The following DUSP22 variants were observed in gnomAD, a reference collection of about 807,000 sequenced individuals.
DUSP22 encodes the protein dual specificity protein phosphatase 22.
Under a neutral mutation model 24.5 loss-of-function variants are expected in DUSP22, and 24 were observed. The observed-to-expected ratio is 0.98, with a 90% CI of 0.71 to 1.38. DUSP22 has a LOEUF of 1.38. DUSP22 is among the 40% of genes most tolerant of loss of function. The pLI, the probability that DUSP22 is intolerant of heterozygous loss-of-function variation, is 0.00. For synonymous variants in DUSP22, 160 were observed against 106.4 expected (o/e 1.50, Z -3.10); for missense variants, 330 against 269.2 (o/e 1.23, Z -1.58).
At chr6:339,110 G>C (rs571549936) in intron 4 of DUSP22, among the ~76,000 whole-genome samples, 2 of 152,426 alleles carry the variant, frequency 1.3e-5, no homozygotes, top group South Asian at 4.1e-4. Context: ...CAGACCTACT[G>C]TGGTGTGTTT....
At chr6:344,480 G>A (rs1759763985) in intron 4 of DUSP22, among the ~76,000 whole-genome samples, 1 of 152,294 alleles carries the variant, frequency 6.6e-6, no homozygotes, top group African/African-American at 2.4e-5. Flanking sequence ...CTGTAGAGAT[G>A]AGTTTCGACA....
intron 4 of DUSP22, among the ~76,000 whole-genome samples, chr6:343,609 C>T (rs535783362): frequency 1.7e-5 from 1 of 57,390 alleles, no homozygotes; most frequent in African/African-American, 7.2e-5. Flanking sequence ...TGATTTGGTC[C>T]CCTAGGGATT....
In DUSP22 at chr6:349,605, G is replaced by A. The variant is rs903729261; in HGVS notation, c.*654G>A. 10 of 987,428 alleles carry A rather than the reference G, an allele frequency of 1.0e-5. No individual in the cohort carries two copies. The highest frequency in any genetic ancestry group is 1.7e-5 in the African/African-American group (1 of 57,302). 61.2% of individuals were successfully genotyped at this position (987,428 alleles called of 1,614,324 possible). A position where few individuals can be genotyped will look rare whatever the true frequency, so the allele number is the denominator to read the frequency against. ...AGGGGCCAGACTCCTCTAGAGGGAG[G>A]GTGGCTCTGGGGCCCTGGAAAACGT... On this transcript the variant is annotated 3_prime_UTR_variant, in exon 7 of 7. Transcript: ENST00000419235.
At chr6:315,411 T>C (rs1279096756) in intron 3 of DUSP22, among the ~76,000 whole-genome samples, 1 of 152,298 alleles carries the variant, frequency 6.6e-6, no homozygotes, top group Non-Finnish European at 1.5e-5. Flanking sequence ...TTGCCTGGGA[T>C]TCCCATGGCT....
rs1760162418 is a variant in DUSP22 at position 350,732 on chromosome 6, A to T, written c.*1781A>T. On this transcript the variant is annotated 3_prime_UTR_variant, in exon 7 of 7. Transcript: ENST00000419235. ...TAGGATATAGCTTGAATGCTTAAAT[A>T]TGTGCACCTTTACAAACCTCTCAGT... is the stretch of plus-strand genomic sequence containing the variant. The T allele has an allele frequency of 1.2e-6, 2 of 1,611,704 alleles. No homozygotes were observed. Among genetic ancestry groups the T allele is most frequent in the South Asian group, 2.2e-5 (2 of 90,520 alleles).
rs1358025952 is a variant in DUSP22, at chr6:339,158, TG to T, written c.188+3996del. 2.0e-5 allele frequency among the ~76,000 whole-genome samples: 3 copies of T among 152,426 alleles called. No homozygotes were observed. The East Asian group carries it at 5.8e-4, about 29-fold the overall frequency. ...TCATGATTAGAGGCGTCCTAGAGTT[TG>T]TATCAAATGCACACACTGCGTGTTC... On this transcript the variant is annotated intron_variant, in intron 4 of 6. Transcript: ENST00000419235.
chr6:305,069 C>T (rs1249643409), intron 2 of DUSP22, among the ~76,000 whole-genome samples: 2 of 152,302 alleles, frequency 1.3e-5, no homozygotes, highest in Admixed American at 1.3e-4. Flanking sequence ...TGTGCATAGG[C>T]CTCATTTTGC....
At chr6:311,742 A>G (rs1236493085) in intron 2 of DUSP22, 138 bp from the exon 3 acceptor site, 8 of 898,618 alleles carry the variant, frequency 8.9e-6, no homozygotes, top group Non-Finnish European at 1.3e-5. Flanking sequence ...TAAGTTTCCT[A>G]CATGTATGGT....
chr6:326,562 G>T (rs1482602941), intron 3 of DUSP22, among the ~76,000 whole-genome samples: 1 of 131,524 alleles, frequency 7.6e-6, no homozygotes, highest in African/African-American at 2.8e-5. Context: ...CTGGTGCCTG[G>T]AGAGTCATCT....
chr6:323,090 T>A (rs1758686427), intron 3 of DUSP22, among the ~76,000 whole-genome samples: 1 of 152,300 alleles, frequency 6.6e-6, no homozygotes, highest in South Asian at 2.1e-4. Flanking sequence ...AGTGCTCCAA[T>A]CTTATTTTAA....
At position 350,867 on chromosome 6, in the gene DUSP22, A is replaced by G. The variant is rs1472578476; in HGVS notation, c.*1916A>G. ...TTCTGGGCCTTTCTCAGAAGACTGT[A>G]ATGTACCTGAAGTTTCTGAAATATT... On this transcript the variant is annotated 3_prime_UTR_variant, in exon 7 of 7. Transcript: ENST00000419235. 1 of 1,614,254 alleles carries G rather than the reference A, an allele frequency of 6.2e-7. No individual in the cohort carries two copies. Among genetic ancestry groups the G allele is most frequent in the Non-Finnish European group, 8.5e-7 (1 of 1,180,010 alleles).
chr6:342,769 C>T (rs975362024), intron 4 of DUSP22, among the ~76,000 whole-genome samples: 24 of 151,304 alleles, frequency 1.6e-4, no homozygotes, highest in African/African-American at 3.7e-4. Context: ...TTCCTCTCTT[C>T]GGGAAGGGAA....
intron 3 of DUSP22, among the ~76,000 whole-genome samples, chr6:321,895 G>C (rs1367012065): frequency 3.9e-5 from 6 of 152,304 alleles, no homozygotes; most frequent in Non-Finnish European, 8.8e-5. Flanking sequence ...CCAGGGATGT[G>C]AGTGCTCCAG....
At position 318,122 on chromosome 6, in the gene DUSP22, T is replaced by C. The variant is rs1561660374; in HGVS notation, c.138+6160T>C. 2.0e-5 allele frequency among the ~76,000 whole-genome samples: 3 copies of C among 152,424 alleles called. No individual in the cohort carries two copies. In the East Asian group the frequency reaches 5.8e-4, roughly 29 times the overall value. ...AGCTGCTGTGGCCTCTGGTTCAGAA[T>C]GATCTTTTCCTAAGTTGTTACAACC... On this transcript the variant is annotated intron_variant, in intron 3 of 6. Transcript: ENST00000419235.
intron 5 of DUSP22, among the ~76,000 whole-genome samples, chr6:346,379 G>A (rs1759872867): frequency 6.6e-6 from 1 of 152,290 alleles, no homozygotes; most frequent in Non-Finnish European, 1.5e-5. Context: ...ACACCAGAAT[G>A]ACCCAGTTTA....
At chr6:335,748 A>C (rs1320136608) in intron 4 of DUSP22, among the ~76,000 whole-genome samples, 15 of 152,424 alleles carry the variant, frequency 9.8e-5, no homozygotes, top group African/African-American at 3.1e-4. Context: ...TACTTGGCAC[A>C]TCTCCGTTCA....
intron 3 of DUSP22, among the ~76,000 whole-genome samples, chr6:317,935 G>C (rs1474867958): frequency 1.3e-5 from 2 of 152,302 alleles, no homozygotes; most frequent in Admixed American, 6.5e-5. Context: ...TGGCTCATTA[G>C]GATGTGAAAG....
At chr6:333,688 C>G (rs1420306100) in intron 3 of DUSP22, among the ~76,000 whole-genome samples, 13 of 152,420 alleles carry the variant, frequency 8.5e-5, no homozygotes, top group African/African-American at 2.6e-4. Context: ...CCCCAGAAAA[C>G]TGGCCCCAAG....
At chr6:333,268 C>T (rs1050548610) in intron 3 of DUSP22, among the ~76,000 whole-genome samples, 2 of 152,302 alleles carry the variant, frequency 1.3e-5, no homozygotes, top group Admixed American at 6.5e-5. Flanking sequence ...CTTCCACCAG[C>T]AGATTCTAAA....
Sources: gnomAD v4.1 joint callset for allele counts (sites outside exome capture counted in the v4.1 genomes callset) on GRCh38, gnomAD v4.1.1 for gene constraint, MANE v1.5 for transcripts, NCBI Gene and HGNC (gene_info 2026-07-23, HGNC 2026-07-21) for gene names.